GRIN2B: variants seen among roughly 807,000 people sequenced by gnomAD.
GRIN2B encodes glutamate ionotropic receptor NMDA type subunit 2B.
A neutral mutation model predicts 114.5 loss-of-function variants in GRIN2B; 5 were observed. The ratio of observed to expected loss-of-function variants is 0.04; its 90% CI spans 0.02 to 0.09. GRIN2B has a LOEUF of 0.09. GRIN2B is among the 10% of genes least tolerant of loss of function. The pLI is 1.00. For synonymous variants in GRIN2B, 787 were observed against 745.1 expected, an observed-to-expected ratio of 1.06 and a Z score of -0.92; for missense variants, 1,108 against 1,943.5, an observed-to-expected ratio of 0.57 and a Z score of 8.08.
At chr12:13,661,828 T>A (rs1028838117) in intron 5 of GRIN2B, among the ~76,000 whole-genome samples, 1 of 152,196 alleles carries the variant, frequency 6.6e-6, no homozygotes, top group Non-Finnish European at 1.5e-5. Flanking sequence ...TCTATGGGAA[T>A]CTGAATTTTT....
rs2268093 is a variant in GRIN2B at position 13,583,989 on chromosome 12, G to A, written c.2011-12025C>T. 2.9e-3 allele frequency among the ~76,000 whole-genome samples: 445 copies of A among 152,278 alleles called. 3 individuals carry two copies. Among genetic ancestry groups the A allele is most frequent in the South Asian group, 7.2e-3 (35 of 4,830 alleles). ...CTACTAAGAGCCTGGACTATTTTCA[G>A]AGGGAAAATAATGGGAGGGATAAAT... On this transcript the variant is annotated intron_variant, in intron 10 of 13. Transcript: ENST00000609686.
chr12:13,587,662 CAGA>C (rs1360976362), intron 10 of GRIN2B, among the ~76,000 whole-genome samples: 1 of 152,144 alleles, frequency 6.6e-6, no homozygotes, highest in Non-Finnish European at 1.5e-5. Context: ...GCTGAATTTT[CAGA>C]AGAACAACTT....
chr12:13,885,512 C>T (rs571372369), intron 2 of GRIN2B, among the ~76,000 whole-genome samples: 1 of 152,282 alleles, frequency 6.6e-6, no homozygotes, highest in African/African-American at 2.4e-5. Flanking sequence ...TTCATGTCCA[C>T]TTCATCCTCC....
At chr12:13,677,823 G>A (rs186305194) in intron 4 of GRIN2B, among the ~76,000 whole-genome samples, 2 of 151,992 alleles carry the variant, frequency 1.3e-5, no homozygotes, top group Non-Finnish European at 1.5e-5. Flanking sequence ...TTCTACATGA[G>A]AGTTTCTCAA....
chr12:13,954,811 GA>G lies in GRIN2B; in HGVS notation c.-19+25116del, dbSNP rs61525874. Among the ~76,000 whole-genome samples, 27 of 25,550 alleles carry G rather than the reference GA, an allele frequency of 1.1e-3. 5 individuals are homozygous for G. The highest frequency in any genetic ancestry group is 6.0e-3 in the South Asian group (3 of 498). The allele number at this position is 25,550 out of a possible 152,430, so 16.8% of individuals were successfully genotyped here. A position where few individuals can be genotyped will look rare whatever the true frequency, so the allele number is the denominator to read the frequency against. ...GTGACAGAGTGAGACTCCGTCTCAG[GA>G]AAAAAAAAAAAAAAAAACTTTTTCT... is the stretch of plus-strand genomic sequence containing the variant. On this transcript the variant is annotated intron_variant, in intron 2 of 13. Transcript: ENST00000609686.
At chr12:13,783,422 A>G (rs765167684) in intron 3 of GRIN2B, among the ~76,000 whole-genome samples, 13 of 10,536 alleles carry the variant, frequency 1.2e-3, no homozygotes, top group Non-Finnish European at 4.5e-3. Context: ...AGAATTGGTA[A>G]CGGAAATAGG....
chr12:13,729,778 A>C (rs540197892), intron 4 of GRIN2B, among the ~76,000 whole-genome samples: 1 of 135,528 alleles, frequency 7.4e-6, no homozygotes, highest in East Asian at 2.3e-4. Flanking sequence ...AGACAGAAAG[A>C]AACCAGGAGT....
chr12:13,646,740 G>A (rs1949764691), intron 5 of GRIN2B, among the ~76,000 whole-genome samples: 1 of 151,630 alleles, frequency 6.6e-6, no homozygotes, highest in Non-Finnish European at 1.5e-5. Context: ...TGTCATCCAG[G>A]CTGGTCTCAA....
At chr12:13,931,236 C>T (rs151101435) in intron 2 of GRIN2B, among the ~76,000 whole-genome samples, 17 of 152,290 alleles carry the variant, frequency 1.1e-4, no homozygotes, top group African/African-American at 3.8e-4. Context: ...TCCCTTTAAT[C>T]CTCTACTGAA....
rs1948595843 is a variant in GRIN2B, at chr12:13,563,993, T to C, written c.3245A>G (p.Lys1082Arg). The C allele has an allele frequency of 6.2e-7, 1 of 1,614,134 alleles. No homozygotes were observed. The highest frequency in any genetic ancestry group is 8.5e-7 in the Non-Finnish European group (1 of 1,180,056). The part of the protein sequence containing the change: ...NIEGNAAKRR[K>R]QQYKDSLKKR... ...CTTCAGGCTGTCCTTATATTGCTGC[T>C]TACGCCTCTTGGCGGCATTGCCCTC... Residue 1082 changes from lysine (K) to arginine (R), a missense_variant, in exon 14 of 14, where the codon AAG becomes AGG. Coordinates refer to ENST00000609686, the MANE Select transcript of GRIN2B (RefSeq NM_000834.5).
At chr12:13,743,608 A>T (rs1403236994) in intron 4 of GRIN2B, among the ~76,000 whole-genome samples, 1 of 151,916 alleles carries the variant, frequency 6.6e-6, no homozygotes, top group Non-Finnish European at 1.5e-5. Flanking sequence ...CAAGCAGGGG[A>T]GGAAGAAAGT....
Position 13,753,604 on chromosome 12 carries a change from A to G in GRIN2B, c.723T>C (p.Phe241=). 6.2e-7 allele frequency: 1 copy of G among 1,614,172 alleles called. No individual in the cohort carries two copies. The highest frequency in any genetic ancestry group is 1.1e-5 in the South Asian group (1 of 91,078). Residue 241 remains phenylalanine, a synonymous_variant, in exon 4 of 14, where the codon TTT becomes TTC. Transcript: ENST00000609686. This position sits in a 1 kb window ranked among gnomAD's most constrained non-coding sequence, Gnocchi z 6.2. ...TCAGCCCTACTGAGTTGGCCACTTC[A>G]AAGATGTAGGTGGCTTCTTCCTTGG... ...YCTKEEATYI[F]EVANSVGLTG...
At chr12:13,872,975 A>T (rs1865935198) in intron 2 of GRIN2B, among the ~76,000 whole-genome samples, 1 of 152,200 alleles carries the variant, frequency 6.6e-6, no homozygotes, top group South Asian at 2.1e-4. Context: ...GTAAGATTTT[A>T]AAAGAAATGC....
chr12:13,909,057 C>CA (rs1032225992), intron 2 of GRIN2B, among the ~76,000 whole-genome samples: 2 of 151,888 alleles, frequency 1.3e-5, no homozygotes, highest in Non-Finnish European at 2.9e-5. Flanking sequence ...ACGCAGGCTC[C>CA]AAAAAAATGA....
At chr12:13,602,142 C>T (rs891628217) in intron 10 of GRIN2B, among the ~76,000 whole-genome samples, 1 of 152,140 alleles carries the variant, frequency 6.6e-6, no homozygotes, top group Non-Finnish European at 1.5e-5. Context: ...AGTGTCCTCC[C>T]CCCTCTCATG....
chr12:13,645,327 GT>G (rs1215799238), intron 5 of GRIN2B, among the ~76,000 whole-genome samples: 1 of 152,076 alleles, frequency 6.6e-6, no homozygotes, highest in African/African-American at 2.4e-5. Flanking sequence ...CACATAAGAT[GT>G]TTATCAATTA....
chr12:13,608,231 G>A (rs542034807), intron 10 of GRIN2B, among the ~76,000 whole-genome samples: 12 of 152,254 alleles, frequency 7.9e-5, no homozygotes, highest in African/African-American at 2.2e-4. Flanking sequence ...GCCATCATGC[G>A]CCCATCTCCT....
chr12:13,952,794 G>T (rs12828473), intron 2 of GRIN2B, among the ~76,000 whole-genome samples: 2 of 150,898 alleles, frequency 1.3e-5, no homozygotes, highest in Admixed American at 6.6e-5. Context: ...GTTTTTTTGC[G>T]TGCTTTATAA....
chr12:13,727,880 A>G (rs1863019481), intron 4 of GRIN2B, among the ~76,000 whole-genome samples: 1 of 152,228 alleles, frequency 6.6e-6, no homozygotes, highest in African/African-American at 2.4e-5. Flanking sequence ...CTGTCAATAA[A>G]GGAGATACTG....
Sources: allele counts gnomAD v4.1 joint callset (sites outside exome capture counted in the v4.1 genomes callset), GRCh38; gene constraint gnomAD v4.1.1; non-coding constraint Gnocchi (gnomAD v3.1); transcripts MANE v1.5; gene names NCBI Gene and HGNC (gene_info 2026-07-23, HGNC 2026-07-21).